The following DOCK3 variants were observed in gnomAD, a reference collection of about 807,000 sequenced individuals.
The protein encoded by DOCK3 is dedicator of cytokinesis protein 3.
DOCK3 carries 60 observed loss-of-function variants against 265.6 expected under a neutral mutation model. The ratio of observed to expected loss-of-function variants is 0.23; its 90% CI spans 0.18 to 0.28. DOCK3 has a LOEUF of 0.28. Among genes scored for constraint, DOCK3 ranks in the 10% least tolerant of loss-of-function variants. DOCK3 has a pLI of 1.00. For synonymous variants in DOCK3, 881 were observed against 938.0 expected (o/e 0.94, Z 1.11); for missense variants, 1,981 against 2,594.3 (o/e 0.76, Z 5.14).
intron 27 of DOCK3, among the ~76,000 whole-genome samples, chr3:51,296,578 C>A (rs991488746): frequency 2.6e-5 from 4 of 151,234 alleles, no homozygotes; most frequent in African/African-American, 9.7e-5. Context: ...CTGGGTTCAC[C>A]CCATTCTCCT....
At chr3:50,815,352 T>C (rs2044014315) in intron 2 of DOCK3, among the ~76,000 whole-genome samples, 1 of 152,210 alleles carries the variant, frequency 6.6e-6, no homozygotes, top group Non-Finnish European at 1.5e-5. Flanking sequence ...ATTTGACTTA[T>C]TTTTTCATTT....
chr3:50,984,629 T>G (rs1443166984), intron 5 of DOCK3, among the ~76,000 whole-genome samples: 1 of 152,204 alleles, frequency 6.6e-6, no homozygotes, highest in East Asian at 1.9e-4. Flanking sequence ...ATATGTTACT[T>G]TATTCATTTC....
intron 21 of DOCK3, among the ~76,000 whole-genome samples, chr3:51,238,905 T>A (rs1252280017): frequency 6.6e-6 from 1 of 152,244 alleles, no homozygotes; most frequent in Non-Finnish European, 1.5e-5. Flanking sequence ...TTGTGAACAG[T>A]GCTGCAATGA....
chr3:50,854,917 A>G (rs919013560), intron 3 of DOCK3, among the ~76,000 whole-genome samples: 3 of 151,600 alleles, frequency 2.0e-5, no homozygotes, highest in Admixed American at 6.6e-5. Context: ...ACTTTTCTCA[A>G]CTTTGTCAAA....
chr3:50,979,232 C>T (rs2077603194), intron 5 of DOCK3, among the ~76,000 whole-genome samples: 1 of 152,124 alleles, frequency 6.6e-6, no homozygotes, highest in African/African-American at 2.4e-5. Context: ...TTGTAGTTTC[C>T]TTGTAGAGGT....
Position 51,372,941 on chromosome 3 carries a change from C to T in DOCK3, c.5294-1528C>T, listed in dbSNP as rs140023396. Among the ~76,000 whole-genome samples, 62 of 152,174 alleles carry T rather than the reference C, an allele frequency of 4.1e-4. 1 individual carries two copies. The East Asian group carries it at 0.011, about 27-fold the overall frequency. On this transcript the variant is annotated intron_variant, in intron 49 of 52. Coordinates refer to ENST00000266037, the MANE Select transcript of DOCK3 (RefSeq NM_004947.5). ...AAAATCACAAAATAGCAATTCAGGT[C>T]GAGTTTTAAAAATCATATTTTAGTC...
At position 51,097,594 on chromosome 3, in the gene DOCK3, C is replaced by T. The variant is rs9845160; in HGVS notation, c.746+7210C>T. Among the ~76,000 whole-genome samples, 416 of 152,338 alleles carry T rather than the reference C, an allele frequency of 2.7e-3. 1 individual carries two copies. The highest frequency in any genetic ancestry group is 9.6e-3 in the African/African-American group (398 of 41,576). ...GACCACTTGGCTCCCTGGCTTCAGT[C>T]CCCTTTCCAGGAGAGTGAACGGTTC... On this transcript the variant is annotated intron_variant, in intron 9 of 52. Coordinates refer to ENST00000266037, the MANE Select transcript of DOCK3 (RefSeq NM_004947.5).
At position 50,778,689 on chromosome 3, in the gene DOCK3, C is replaced by T. The variant is rs1238098382; in HGVS notation, c.52C>T (p.Arg18Ter). ...TGCTTTTCTAGTGATATGCAGCTTT[C>T]GAGGATCTGTCCCTCAAGGGTTGGT... ...EKYGVVICSF[R>*]GSVPQGLVLE... Residue 18 changes from arginine (R) to a stop codon, truncating the protein, a stop_gained, in exon 2 of 53, where the codon CGA (arginine) becomes TGA (stop). Coordinates refer to ENST00000266037, the MANE Select transcript of DOCK3 (RefSeq NM_004947.5). LOFTEE classifies it high-confidence loss of function. The T allele has an allele frequency of 1.9e-6, 3 of 1,585,228 alleles. No individual in the cohort carries two copies. The highest frequency in any genetic ancestry group is 2.6e-6 in the Non-Finnish European group (3 of 1,164,524).
At chr3:51,016,591 TTA>T (rs1392482974) in intron 5 of DOCK3, among the ~76,000 whole-genome samples, 2 of 89,746 alleles carry the variant, frequency 2.2e-5, no homozygotes, top group Non-Finnish European at 3.9e-5. Flanking sequence ...ATATCATATA[TTA>T]TATATGATAT....
rs765401071 is a variant in DOCK3 at position 51,341,256 on chromosome 3, C to T, written c.3786C>T (p.Leu1262=). 1.9e-6 allele frequency: 3 copies of T among 1,593,834 alleles called. No individual in the cohort carries two copies. The African/African-American group carries it at 4.0e-5, about 21-fold the overall frequency. The change falls in exon 38 of 53, where the codon CTC becomes CTT. Residue 1262 remains leucine, a synonymous_variant. Coordinates refer to ENST00000266037, the MANE Select transcript of DOCK3 (RefSeq NM_004947.5). ...CCACAGAGGCCGCATTTACCCTGCT[C>T]CTTTACTGTGAGCTGCTGCAGTGGG... The part of the protein sequence containing the change: ...ENYTEAAFTL[L]LYCELLQWED...
At chr3:51,010,448 T>G (rs2078899296) in intron 5 of DOCK3, among the ~76,000 whole-genome samples, 1 of 151,774 alleles carries the variant, frequency 6.6e-6, no homozygotes, top group Non-Finnish European at 1.5e-5. Flanking sequence ...AACCCCTACT[T>G]TTTTTTTGCT....
chr3:50,758,764 C>T (rs1430463572), intron 1 of DOCK3, among the ~76,000 whole-genome samples: 3 of 152,112 alleles, frequency 2.0e-5, no homozygotes, highest in African/African-American at 7.2e-5. Context: ...TACAGATACT[C>T]CTTCTCTTTT....
In DOCK3 at chr3:51,229,498, G is replaced by C; in HGVS notation, c.1820-14G>C. The C allele has an allele frequency of 6.4e-7, 1 of 1,562,494 alleles. No individual in the cohort carries two copies. Among genetic ancestry groups the C allele is most frequent in the Non-Finnish European group, 8.6e-7 (1 of 1,157,834 alleles). Reference sequence around the variant, plus strand: ...GGTTTCAAGGGTTCCTCATCTTTTGGGCTTGCTTTCTAGTGGACCTCCTAG... The same window carrying C: ...GGTTTCAAGGGTTCCTCATCTTTTGCGCTTGCTTTCTAGTGGACCTCCTAG... On this transcript the variant is annotated splice_polypyrimidine_tract_variant and intron_variant, in intron 18 of 52. Coordinates refer to ENST00000266037, the MANE Select transcript of DOCK3 (RefSeq NM_004947.5).
chr3:50,889,103 G>A (rs2048510391), intron 3 of DOCK3, among the ~76,000 whole-genome samples: 1 of 149,218 alleles, frequency 6.7e-6, no homozygotes, highest in Admixed American at 6.6e-5. Flanking sequence ...GTGTGTGTGT[G>A]TGTGTGTGTT....
At chr3:50,908,190 T>G (rs2049643896) in intron 4 of DOCK3, among the ~76,000 whole-genome samples, 1 of 145,142 alleles carries the variant, frequency 6.9e-6, no homozygotes, top group African/African-American at 2.5e-5. Flanking sequence ...TTTTTTTTTT[T>G]GAAGGGCTTT....
At position 51,156,072 on chromosome 3, in the gene DOCK3, A is replaced by C. The variant is rs1344346573; in HGVS notation, c.829-3172A>C. ...TTTAAGTAGTGATTTTTTAGAGTTCAGAATTGAACTTGATTATTACTATAA... is the reference window on the plus strand; with the variant it reads ...TTTAAGTAGTGATTTTTTAGAGTTCCGAATTGAACTTGATTATTACTATAA... On this transcript the variant is annotated intron_variant, in intron 10 of 52. Transcript: ENST00000266037. 2.6e-5 allele frequency among the ~76,000 whole-genome samples: 4 copies of C among 152,212 alleles called. No homozygotes were observed. The East Asian group carries it at 7.7e-4, about 29-fold the overall frequency.
chr3:51,016,609 T>G (rs1252396769), intron 5 of DOCK3, among the ~76,000 whole-genome samples: 1 of 66,384 alleles, frequency 1.5e-5, no homozygotes, highest in South Asian at 5.1e-4. Context: ...GATATATATA[T>G]TATATATTTA....
chr3:50,918,161 GA>G (rs2050229128), intron 4 of DOCK3, among the ~76,000 whole-genome samples: 1 of 152,076 alleles, frequency 6.6e-6, no homozygotes, highest in Non-Finnish European at 1.5e-5. Context: ...GTCTATCATT[GA>G]TGGACATTTG....
At chr3:51,239,272 C>T (rs2078490668) in intron 21 of DOCK3, among the ~76,000 whole-genome samples, 1 of 151,490 alleles carries the variant, frequency 6.6e-6, no homozygotes, top group Non-Finnish European at 1.5e-5. Context: ...TAGAGTGGCG[C>T]AATCTTGGCT....
Sources: gnomAD v4.1 joint callset for allele counts (sites outside exome capture counted in the v4.1 genomes callset) on GRCh38, gnomAD v4.1.1 for gene constraint, MANE v1.5 for transcripts, NCBI Gene and HGNC (gene_info 2026-07-23, HGNC 2026-07-21) for gene names.